The following ECT2 variants were observed in gnomAD, a reference collection of about 807,000 sequenced individuals.
ECT2 encodes epithelial cell transforming 2, also known as protein ECT2.
Under a neutral mutation model 116.9 loss-of-function variants are expected in ECT2, and 61 were observed. The observed-to-expected ratio is 0.52, with a 90% CI of 0.42 to 0.65. The LOEUF (loss-of-function observed/expected upper bound fraction) is 0.65. Ranked by LOEUF, ECT2 falls within the 30% of genes least tolerant of loss-of-function variation. The pLI is 0.00. For missense variants in ECT2, 937 were observed against 1,078.7 expected (o/e 0.87, Z 1.84); for synonymous variants, 358 against 346.4 (o/e 1.03, Z -0.37).
intron 18 of ECT2, among the ~76,000 whole-genome samples, chr3:172,791,101 C>A (rs978366906): frequency 6.6e-6 from 1 of 152,166 alleles, no homozygotes; most frequent in Admixed American, 6.5e-5. Flanking sequence ...TTGCAGTGAA[C>A]CAAAATTGCA....
chr3:172,803,024 G>A (rs1304290020), intron 20 of ECT2, 44 bp downstream of exon 20: 3 of 1,521,752 alleles, frequency 2.0e-6, no homozygotes, highest in African/African-American at 2.8e-5. Context: ...ACTGATTTTT[G>A]TAAGTTCCCT....
rs757057926 is a variant in ECT2, at chr3:172,786,528, A to G, written c.1861A>G (p.Lys621Glu). 5 of 1,611,330 alleles carry G rather than the reference A, an allele frequency of 3.1e-6. No individual in the cohort carries two copies. Among genetic ancestry groups the G allele is most frequent in the Non-Finnish European group, 8.5e-7 (1 of 1,178,348 alleles). ...KKHTADENPD[K>E]STLEKAIGSL... ...GCATACAGCTGATGAAAATCCAGAC[A>G]AAAGCACTTTAGAAAAAGCTATTGG... The change falls in exon 18 of 25, where the codon AAA becomes GAA. Residue 621 changes from lysine to glutamate, a missense_variant. Physicochemically the swap from Lys to Glu is moderately conservative, Grantham distance 56. Coordinates refer to ENST00000392692, the MANE Select transcript of ECT2 (RefSeq NM_001258315.2).
At chr3:172,770,931 G>T in intron 13 of ECT2, among the ~76,000 whole-genome samples, 1 of 152,068 alleles carries the variant, frequency 6.6e-6, no homozygotes, top group Non-Finnish European at 1.5e-5. Flanking sequence ...TATTAGATTT[G>T]TAAAGTGAGA....
intron 24 of ECT2, 143 bp downstream of exon 24, chr3:172,816,980 C>T (rs977358967): frequency 8.6e-6 from 5 of 584,412 alleles, no homozygotes; most frequent in East Asian, 3.1e-5. Context: ...AAAATATTAT[C>T]ATTTGAATGC....
chr3:172,787,942 T>C (rs1198379908), intron 18 of ECT2, among the ~76,000 whole-genome samples: 1 of 152,202 alleles, frequency 6.6e-6, no homozygotes, highest in African/African-American at 2.4e-5. Context: ...TTTAGAATAG[T>C]GTCAAGCTGG....
chr3:172,788,085 T>C (rs944589954), intron 18 of ECT2, among the ~76,000 whole-genome samples: 3 of 152,176 alleles, frequency 2.0e-5, no homozygotes, highest in African/African-American at 7.2e-5. Context: ...CCTGATATTT[T>C]AATGTCGAAT....
chr3:172,788,475 C>G (rs750994904), intron 18 of ECT2, among the ~76,000 whole-genome samples: 1 of 152,158 alleles, frequency 6.6e-6, no homozygotes, highest in Non-Finnish European at 1.5e-5. Flanking sequence ...ACATTTCTGT[C>G]ACCCCCAAAA....
At chr3:172,797,434 T>C (rs959236619) in intron 18 of ECT2, among the ~76,000 whole-genome samples, 2 of 152,186 alleles carry the variant, frequency 1.3e-5, no homozygotes, top group African/African-American at 2.4e-5. Context: ...GGTTGATAAC[T>C]CTTTGCTTCA....
At chr3:172,826,191 G>A (rs527802472), downstream of ECT2, among the ~76,000 whole-genome samples, 138 of 152,256 alleles carry the variant, frequency 9.1e-4, 2 homozygotes, top group Middle Eastern at 0.01. Context: ...CACCTCGCCC[G>A]GTCAATCTAA....
intron 22 of ECT2, among the ~76,000 whole-genome samples, chr3:172,811,751 CAA>C (rs1204527200): frequency 2.0e-5 from 3 of 152,078 alleles, no homozygotes; most frequent in African/African-American, 7.2e-5. Flanking sequence ...CATTTTACAT[CAA>C]AGAGTAACTT....
chr3:172,770,797 A>G (rs1383380524), intron 13 of ECT2, among the ~76,000 whole-genome samples: 2 of 152,218 alleles, frequency 1.3e-5, no homozygotes, highest in Non-Finnish European at 2.9e-5. Context: ...CCTAATTAAT[A>G]TAAAGTACTG....
chr3:172,765,332 C>T (rs1719148228), intron 12 of ECT2, among the ~76,000 whole-genome samples: 3 of 151,840 alleles, frequency 2.0e-5, no homozygotes, highest in Admixed American at 2.0e-4. Flanking sequence ...GTTGTATGTT[C>T]CTCCTGAGTC....
chr3:172,819,002 A>AT (rs1730272482), intron 24 of ECT2, among the ~76,000 whole-genome samples: 1 of 152,064 alleles, frequency 6.6e-6, no homozygotes, highest in Non-Finnish European at 1.5e-5. Context: ...TCCATTAGAA[A>AT]TTTTCTTATT....
intron 14 of ECT2, among the ~76,000 whole-genome samples, chr3:172,779,723 T>C (rs1722355011): frequency 6.6e-6 from 1 of 152,022 alleles, no homozygotes; most frequent in African/African-American, 2.4e-5. Context: ...CTGGTCAACA[T>C]AGTGAGAACC....
chr3:172,800,943 G>A (rs1315692822), intron 18 of ECT2, among the ~76,000 whole-genome samples: 1 of 152,122 alleles, frequency 6.6e-6, no homozygotes, highest in African/African-American at 2.4e-5. Flanking sequence ...GCAGAATTTT[G>A]TTGTTATGAG....
rs1723640741 is a variant in ECT2 at position 172,786,557 on chromosome 3, A to T, written c.1890A>T (p.Ser630=). 6.2e-7 allele frequency: 1 copy of T among 1,609,646 alleles called. No homozygotes were observed. The highest frequency in any genetic ancestry group is 8.5e-7 in the Non-Finnish European group (1 of 1,176,844). ...DKSTLEKAIG[S]LKEVMTHINE... ...GCACTTTAGAAAAAGCTATTGGATC[A>T]CTGAAGGAAGTAATGACGTAAGTGC... Residue 630 remains serine, a synonymous_variant, in exon 18 of 25, where the codon TCA becomes TCT. Coordinates refer to ENST00000392692, the MANE Select transcript of ECT2 (RefSeq NM_001258315.2).
chr3:172,795,475 CT>C (rs1454110408), intron 18 of ECT2, among the ~76,000 whole-genome samples: 1 of 151,960 alleles, frequency 6.6e-6, no homozygotes, highest in Non-Finnish European at 1.5e-5. Flanking sequence ...TCATGTAATT[CT>C]TTGATTTAAA....
At chr3:172,769,893 C>T (rs1720286322) in intron 13 of ECT2, among the ~76,000 whole-genome samples, 1 of 152,110 alleles carries the variant, frequency 6.6e-6, no homozygotes, top group South Asian at 2.1e-4. Flanking sequence ...CCAAGCTTAT[C>T]TTTCAATAGA....
rs148083879 is a variant in ECT2, at chr3:172,769,240, A to G, written c.1428+97A>G. ...TTTCTTACGAGAAAATTATATAAAC[A>G]TAGTATTTGAACATGGATGTTAAAA... On this transcript the variant is annotated intron_variant, in intron 13 of 24. Transcript: ENST00000392692. The G allele has an allele frequency of 1.4e-5, 17 of 1,212,502 alleles. No homozygotes were observed. In the African/African-American group the frequency reaches 2.0e-4, roughly 14 times the overall value. The allele number at this position is 1,212,502 out of a possible 1,614,324, so 75.1% of individuals were successfully genotyped here. A position where few individuals can be genotyped will look rare whatever the true frequency, so the allele number is the denominator to read the frequency against.
Sources: allele counts gnomAD v4.1 joint callset (sites outside exome capture counted in the v4.1 genomes callset), GRCh38; gene constraint gnomAD v4.1.1; transcripts MANE v1.5; gene names NCBI Gene and HGNC (gene_info 2026-07-23, HGNC 2026-07-21).